Variants in GREB1 observed in about 807,000 individuals in gnomAD.
GREB1 encodes the protein growth regulating estrogen receptor binding 1, also known as protein GREB1.
GREB1 carries 106 observed loss-of-function variants against 200.7 expected under a neutral mutation model. The observed-to-expected ratio is 0.53, with a 90% CI of 0.45 to 0.62. The LOEUF (loss-of-function observed/expected upper bound fraction) is 0.62, where lower values mean the gene tolerates loss of function less well. GREB1 is among the 20% of genes least tolerant of loss of function. The pLI, the probability that GREB1 is intolerant of heterozygous loss-of-function variation, is 0.00. For missense variants in GREB1, 2,243 were observed against 2,556.8 expected, an observed-to-expected ratio of 0.88 and a Z score of 2.65; for synonymous variants, 1,132 against 1,092.4, an observed-to-expected ratio of 1.04 and a Z score of -0.72.
At position 11,597,972 on chromosome 2, in the gene GREB1, C is replaced by T. The variant is rs770801145; in HGVS notation, c.2146C>T (p.His716Tyr). 7.4e-6 allele frequency: 12 copies of T among 1,612,144 alleles called. No homozygotes were observed. The Admixed American group carries it at 1.8e-4, about 25-fold the overall frequency. The change falls in exon 14 of 33, where the codon CAT becomes TAT. Residue 716 changes from histidine (H) to tyrosine (Y), a missense_variant. Transcript: ENST00000381486. This position sits in a 1 kb window ranked among gnomAD's most constrained non-coding sequence, Gnocchi z 4.1. ...TYQQTLLHVW[H>Y]SGVLLELGLK... ...CCAGCAGACTCTGCTCCATGTGTGG[C>T]ATTCAGGTATGGGGCATTTTGGGGA... is the stretch of plus-strand genomic sequence containing the variant.
chr2:11,582,398 A>G (rs1197986186), intron 7 of GREB1, among the ~76,000 whole-genome samples: 2 of 151,968 alleles, frequency 1.3e-5, no homozygotes, highest in African/African-American at 4.8e-5. Context: ...TATTTTGGCT[A>G]CCCTGGGCAG....
intron 11 of GREB1, 75 bp from the exon 12 acceptor site, chr2:11,595,176 G>A (rs776728038): frequency 3.2e-5 from 44 of 1,354,620 alleles, no homozygotes; most frequent in Non-Finnish European, 4.5e-5. Flanking sequence ...GAAGGGTTAA[G>A]GGACTAGTCT....
At chr2:11,605,917 G>A (rs1340714076) in intron 17 of GREB1, among the ~76,000 whole-genome samples, 3 of 152,292 alleles carry the variant, frequency 2.0e-5, no homozygotes, top group Admixed American at 2.0e-4. Flanking sequence ...GAACATTCAT[G>A]TACAAAGCTT....
Position 11,593,091 on chromosome 2 carries a change from G to T in GREB1, c.1661G>T (p.Arg554Leu). The change falls in exon 11 of 33, where the codon CGC (arginine) becomes CTC (leucine). Residue 554 changes from arginine (R) to leucine (L), a missense_variant. Coordinates refer to ENST00000381486, the MANE Select transcript of GREB1 (RefSeq NM_014668.4). ...TNYVVIICAC[R>L]SAAIDSCIAV... ...TACGTGGTCATCATCTGCGCCTGCC[G>T]CAGCGCGGCCATCGACTCCTGCATC... 1 of 1,609,148 alleles carries T rather than the reference G, an allele frequency of 6.2e-7. No homozygotes were observed. Among genetic ancestry groups the T allele is most frequent in the Non-Finnish European group, 8.5e-7 (1 of 1,177,692 alleles).
intron 1 of GREB1, among the ~76,000 whole-genome samples, chr2:11,534,997 A>C (rs909500771): frequency 6.6e-6 from 1 of 152,156 alleles, no homozygotes; most frequent in African/African-American, 2.4e-5. Flanking sequence ...ACTGTGCGTT[A>C]GCGGCTCTAG....
At chr2:11,622,907 C>G (rs1279260893) in intron 23 of GREB1, among the ~76,000 whole-genome samples, 1 of 152,206 alleles carries the variant, frequency 6.6e-6, no homozygotes, top group Non-Finnish European at 1.5e-5. Context: ...GGCTGTTGCT[C>G]TGGATGGAGA....
chr2:11,555,061 A>G (rs1293973317), intron 1 of GREB1, among the ~76,000 whole-genome samples: 2 of 152,254 alleles, frequency 1.3e-5, no homozygotes, highest in Non-Finnish European at 2.9e-5. Flanking sequence ...ATAGCAAAGG[A>G]GGTGCCCAGA....
intron 3 of GREB1, 90 bp from the exon 4 acceptor site, chr2:11,566,390 A>T (rs779399538): frequency 1.5e-6 from 2 of 1,298,088 alleles, no homozygotes; most frequent in Non-Finnish European, 2.1e-6. Context: ...GTTTCTCCTG[A>T]GCAGACCCAG....
At chr2:11,608,842 C>T (rs906042236) in intron 17 of GREB1, among the ~76,000 whole-genome samples, 6 of 152,326 alleles carry the variant, frequency 3.9e-5, no homozygotes, top group African/African-American at 1.2e-4. Flanking sequence ...CAACTGAAGA[C>T]TTTAGGGAGA....
chr2:11,491,092 GTC>G (rs1344616453), intron 1 of GREB1, among the ~76,000 whole-genome samples: 1 of 152,202 alleles, frequency 6.6e-6, no homozygotes, highest in Non-Finnish European at 1.5e-5. Context: ...GGGTGGAGAG[GTC>G]TCTCACTGGG....
Position 11,620,981 on chromosome 2 carries a change from T to C in GREB1, c.4121T>C (p.Val1374Ala). The change falls in exon 23 of 33, where the codon GTC (valine) becomes GCC (alanine). Residue 1374 changes from valine (V) to alanine (A), a missense_variant. Around this residue, in one of 3 missense-constraint regions of GREB1, gnomAD observed 587 missense variants for 553.1 expected, o/e 1.06. Transcript: ENST00000381486. ...CTTGTTCGGCTCACAGAAGTGGATG[T>C]CTATGACGAGGAGGAGATCAATATC... The part of the protein sequence containing the change: ...RMLVRLTEVD[V>A]YDEEEININL... The C allele has an allele frequency of 6.2e-7, 1 of 1,610,088 alleles. No homozygotes were observed. Among genetic ancestry groups the C allele is most frequent in the Non-Finnish European group, 8.5e-7 (1 of 1,176,272 alleles).
At chr2:11,500,710 C>G (rs761275577) in intron 1 of GREB1, among the ~76,000 whole-genome samples, 6 of 152,156 alleles carry the variant, frequency 3.9e-5, no homozygotes, top group Non-Finnish European at 7.3e-5. Context: ...CTGTTACTTA[C>G]TAGGGAAGAT....
chr2:11,585,970 C>T, intron 9 of GREB1, 65 bp downstream of exon 9: 1 of 1,535,114 alleles, frequency 6.5e-7, no homozygotes, highest in Non-Finnish European at 9.0e-7. Context: ...GAGAAACAGG[C>T]AAAAGCGAGA....
At chr2:11,623,158 A>G (rs1328129263) in intron 23 of GREB1, among the ~76,000 whole-genome samples, 1 of 152,194 alleles carries the variant, frequency 6.6e-6, no homozygotes, top group Non-Finnish European at 1.5e-5. Flanking sequence ...AAAAATTCCT[A>G]TCACCTAGTG....
intron 17 of GREB1, among the ~76,000 whole-genome samples, chr2:11,609,242 T>TTTCATTTATTTA (rs1553374319): frequency 1.5e-5 from 2 of 136,878 alleles, no homozygotes; most frequent in African/African-American, 5.4e-5. Flanking sequence ...GGCATTATTA[T>TTTCATTTATTTA]TTTATTTATT....
intron 7 of GREB1, among the ~76,000 whole-genome samples, chr2:11,584,590 C>T (rs940230364): frequency 6.6e-6 from 1 of 152,212 alleles, no homozygotes; most frequent in Non-Finnish European, 1.5e-5. Flanking sequence ...GTAATTCTGG[C>T]TACCTTATTG....
chr2:11,550,458 C>T (rs117185027), intron 1 of GREB1, among the ~76,000 whole-genome samples: 1 of 152,322 alleles, frequency 6.6e-6, no homozygotes, highest in East Asian at 1.9e-4. Context: ...CTGTTGCCAG[C>T]TATGTCCAAG....
At chr2:11,568,349 G>T (rs1257930828) in intron 4 of GREB1, among the ~76,000 whole-genome samples, 1 of 152,240 alleles carries the variant, frequency 6.6e-6, no homozygotes, top group Non-Finnish European at 1.5e-5. Context: ...ACACACACGT[G>T]TGTGAACTCT....
At chr2:11,604,078 T>C (rs1682031305) in intron 17 of GREB1, among the ~76,000 whole-genome samples, 1 of 152,224 alleles carries the variant, frequency 6.6e-6, no homozygotes, top group Admixed American at 6.5e-5. Flanking sequence ...GTGACCACCA[T>C]GCCAATACAT....
Sources: allele counts gnomAD v4.1 joint callset (sites outside exome capture counted in the v4.1 genomes callset), GRCh38; gene constraint gnomAD v4.1.1; regional missense constraint gnomAD v4.1.1; non-coding constraint Gnocchi (gnomAD v3.1); transcripts MANE v1.5; gene names NCBI Gene and HGNC (gene_info 2026-07-23, HGNC 2026-07-21).